Variants in ST6GALNAC3 observed in about 807,000 individuals in gnomAD.
ST6GALNAC3 encodes the protein ST6 N-acetylgalactosaminide alpha-2,6-sialyltransferase 3, also known as alpha-N-acetylgalactosaminide alpha-2,6-sialyltransferase 3.
ST6GALNAC3 carries 25 observed loss-of-function variants against 32.7 expected under a neutral mutation model. The observed-to-expected ratio is 0.76, with a 90% confidence interval of 0.56 to 1.07. ST6GALNAC3 has a LOEUF of 1.07. Ranked by LOEUF, ST6GALNAC3 falls within the 50% of genes least tolerant of loss-of-function variation. The probability of loss-of-function intolerance (pLI) is 0.00; values close to 1 mark genes in which losing one functional copy is unlikely to be tolerated. For missense variants in ST6GALNAC3, 355 were observed against 382.4 expected (o/e 0.93, Z 0.60); for synonymous variants, 129 against 133.1 (o/e 0.97, Z 0.21).
chr1:76,426,104 G>A (rs755695171), intron 3 of ST6GALNAC3, among the ~76,000 whole-genome samples: 4 of 151,368 alleles, frequency 2.6e-5, no homozygotes, highest in African/African-American at 4.9e-5. Flanking sequence ...TTCAAATGTC[G>A]CCTTATAAGA....
chr1:76,602,089 G>A (rs1472750766), intron 3 of ST6GALNAC3, among the ~76,000 whole-genome samples: 4 of 152,140 alleles, frequency 2.6e-5, no homozygotes, highest in African/African-American at 9.7e-5. Context: ...GTGAGTGAGG[G>A]AGGATGTTAA....
At chr1:76,423,370 G>A (rs1655161547) in intron 3 of ST6GALNAC3, among the ~76,000 whole-genome samples, 1 of 151,960 alleles carries the variant, frequency 6.6e-6, no homozygotes, top group African/African-American at 2.4e-5. Context: ...TGGCATTGCT[G>A]AAAAGAAAGG....
chr1:76,627,595 A>T, intron 4 of ST6GALNAC3, 36 bp downstream of exon 4: 1 of 1,412,246 alleles, frequency 7.1e-7, no homozygotes, highest in Non-Finnish European at 1.0e-6. Flanking sequence ...TGCAGCTCCA[A>T]TTCGGAGATC....
At chr1:76,545,374 T>C (rs1664230586) in intron 3 of ST6GALNAC3, among the ~76,000 whole-genome samples, 1 of 152,154 alleles carries the variant, frequency 6.6e-6, no homozygotes, top group African/African-American at 2.4e-5. Flanking sequence ...AAATATCGCC[T>C]CTTCCTGCCA....
chr1:76,408,768 C>G (rs1057275550), intron 2 of ST6GALNAC3, among the ~76,000 whole-genome samples: 1 of 151,806 alleles, frequency 6.6e-6, no homozygotes. Flanking sequence ...TCTTTTTCTT[C>G]TTTTTGATTG....
At chr1:76,465,759 G>A (rs1180442608) in intron 3 of ST6GALNAC3, among the ~76,000 whole-genome samples, 1 of 151,838 alleles carries the variant, frequency 6.6e-6, no homozygotes, top group Non-Finnish European at 1.5e-5. Flanking sequence ...GGTGAGGGCT[G>A]ATTTTTTTTC....
intron 1 of ST6GALNAC3, among the ~76,000 whole-genome samples, chr1:76,117,223 A>T (rs1648539273): frequency 6.6e-6 from 1 of 152,214 alleles, no homozygotes; most frequent in Non-Finnish European, 1.5e-5. Context: ...AATGGGCCTT[A>T]AAGCTTCTTA....
chr1:76,410,987 G>A (rs532143050), intron 2 of ST6GALNAC3, among the ~76,000 whole-genome samples: 133 of 152,178 alleles, frequency 8.7e-4, no homozygotes, highest in African/African-American at 3.1e-3. Context: ...TCACCAACAG[G>A]CACAATAAAA....
At chr1:76,391,792 G>C (rs1002709942) in intron 2 of ST6GALNAC3, among the ~76,000 whole-genome samples, 22 of 152,030 alleles carry the variant, frequency 1.4e-4, no homozygotes. Context: ...ACACAAAACT[G>C]AGATATAAAT....
chr1:76,549,075 T>A (rs889088279), intron 3 of ST6GALNAC3, among the ~76,000 whole-genome samples: 2 of 152,218 alleles, frequency 1.3e-5, no homozygotes, highest in Non-Finnish European at 2.9e-5. Flanking sequence ...CAAAATTTGA[T>A]TTACACATAC....
intron 1 of ST6GALNAC3, among the ~76,000 whole-genome samples, chr1:76,212,874 T>C (rs969251344): frequency 1.3e-5 from 2 of 150,850 alleles, no homozygotes; most frequent in Non-Finnish European, 2.9e-5. Flanking sequence ...TAGACAGTAT[T>C]TTTGGGTGCC....
intron 3 of ST6GALNAC3, among the ~76,000 whole-genome samples, chr1:76,416,775 G>A (rs1192371874): frequency 1.3e-5 from 2 of 151,500 alleles, no homozygotes; most frequent in East Asian, 2.0e-4. Context: ...CTACAGGCAC[G>A]CACCACCATG....
At chr1:76,539,560 A>G (rs1663852568) in intron 3 of ST6GALNAC3, among the ~76,000 whole-genome samples, 1 of 152,140 alleles carries the variant, frequency 6.6e-6, no homozygotes. Flanking sequence ...AAAAGAAACT[A>G]TTGTCAGCGT....
intron 1 of ST6GALNAC3, among the ~76,000 whole-genome samples, chr1:76,129,309 G>A (rs183028372): frequency 1.3e-5 from 2 of 152,208 alleles, no homozygotes; most frequent in Admixed American, 6.5e-5. Context: ...AGACCACTCC[G>A]GGCACAGTGT....
At chr1:76,297,854 C>G (rs927942312) in intron 1 of ST6GALNAC3, among the ~76,000 whole-genome samples, 2 of 151,930 alleles carry the variant, frequency 1.3e-5, no homozygotes, top group African/African-American at 4.8e-5. Context: ...TCTTCTCTAT[C>G]TATCTGTCTA....
chr1:76,204,133 T>C lies in ST6GALNAC3; in HGVS notation c.19-109672T>C, dbSNP rs137925186. Among the ~76,000 whole-genome samples the C allele has an allele frequency of 5.8e-3, 879 of 152,248 alleles. 8 individuals carry two copies. The highest frequency in any genetic ancestry group is 0.02 in the African/African-American group (842 of 41,536). On this transcript the variant is annotated intron_variant, in intron 1 of 4. Transcript: ENST00000328299. ...ACTTTTTTTTTAATTCCCCACAGAT[T>C]AGTGAGAACATGCAATTGTTGTCTT... is the stretch of plus-strand genomic sequence containing the variant.
chr1:76,380,299 A>G (rs1370398779), intron 2 of ST6GALNAC3, among the ~76,000 whole-genome samples: 3 of 152,168 alleles, frequency 2.0e-5, no homozygotes, highest in African/African-American at 7.2e-5. Context: ...CTAAACAAAA[A>G]ATGATGGATC....
At chr1:76,121,633 A>G (rs1157352113) in intron 1 of ST6GALNAC3, among the ~76,000 whole-genome samples, 2 of 152,040 alleles carry the variant, frequency 1.3e-5, no homozygotes, top group Non-Finnish European at 2.9e-5. Context: ...GGAGAATGGC[A>G]TGAACCTGGG....
intron 3 of ST6GALNAC3, among the ~76,000 whole-genome samples, chr1:76,597,950 G>C (rs1195187304): frequency 1.3e-5 from 2 of 151,976 alleles, no homozygotes; most frequent in Non-Finnish European, 2.9e-5. Context: ...TTTATTTGGG[G>C]CACTAAAACA....
Sources: gnomAD v4.1 joint callset for allele counts (sites outside exome capture counted in the v4.1 genomes callset) on GRCh38, gnomAD v4.1.1 for gene constraint, MANE v1.5 for transcripts, NCBI Gene and HGNC (gene_info 2026-07-23, HGNC 2026-07-21) for gene names.